The following TAFA1 variants were observed in gnomAD, a reference collection of about 807,000 sequenced individuals.
TAFA1 encodes chemokine-like protein TAFA-1.
In TAFA1, 4 loss-of-function variants were observed where a neutral mutation model predicts 18.5. That is an observed-to-expected ratio of 0.22 (90% CI 0.11 to 0.49). The LOEUF (loss-of-function observed/expected upper bound fraction) is 0.49, where lower values mean the gene tolerates loss of function less well. Among genes scored for constraint, TAFA1 ranks in the 20% least tolerant of loss-of-function variants. TAFA1 has a pLI of 0.98. For synonymous variants in TAFA1, 56 were observed against 55.2 expected, an observed-to-expected ratio of 1.01 and a Z score of -0.06; for missense variants, 147 against 169.0, an observed-to-expected ratio of 0.87 and a Z score of 0.72.
At chr3:68,256,057 G>A (rs142063632) in intron 2 of TAFA1, among the ~76,000 whole-genome samples, 344 of 152,022 alleles carry the variant, frequency 2.3e-3, no homozygotes, top group Non-Finnish European at 3.9e-3. Flanking sequence ...CCAGAAAAGC[G>A]CATTGAAATA....
At chr3:68,144,993 C>T (rs1005252117) in intron 2 of TAFA1, 22 of 1,478,790 alleles carry the variant, frequency 1.5e-5, no homozygotes, top group Admixed American at 1.4e-4. Flanking sequence ...GCCCGGAGAC[C>T]GGCCGTGAAG....
intron 2 of TAFA1, among the ~76,000 whole-genome samples, chr3:68,404,393 C>T (rs2070555517): frequency 6.6e-6 from 1 of 152,152 alleles, no homozygotes. Flanking sequence ...GTCTGTATAA[C>T]AGATTTCTAA....
intron 2 of TAFA1, among the ~76,000 whole-genome samples, chr3:68,354,365 A>G (rs137869262): frequency 1.4e-3 from 207 of 152,082 alleles, no homozygotes; most frequent in African/African-American, 4.6e-3. Flanking sequence ...CTGTGTTTCC[A>G]TCTAGCAGTG....
At chr3:68,463,547 C>G (rs2071825140) in intron 3 of TAFA1, among the ~76,000 whole-genome samples, 1 of 152,120 alleles carries the variant, frequency 6.6e-6, no homozygotes, top group South Asian at 2.1e-4. Context: ...TGTTGTGTAA[C>G]TTCTCTACTC....
intron 2 of TAFA1, among the ~76,000 whole-genome samples, chr3:68,232,955 T>TA (rs1361023357): frequency 1.3e-5 from 2 of 152,202 alleles, no homozygotes; most frequent in African/African-American, 2.4e-5. Context: ...ATGGCTCTAC[T>TA]AATTTACATT....
chr3:68,046,191 T>C (rs1705264281), intron 2 of TAFA1, among the ~76,000 whole-genome samples: 1 of 152,158 alleles, frequency 6.6e-6, no homozygotes, highest in African/African-American at 2.4e-5. Flanking sequence ...TTGAAACAAA[T>C]CCATATTTTT....
intron 2 of TAFA1, among the ~76,000 whole-genome samples, chr3:68,117,758 A>G (rs1484649955): frequency 6.6e-6 from 1 of 152,188 alleles, no homozygotes; most frequent in Admixed American, 6.5e-5. Flanking sequence ...TGTCTTAAAA[A>G]TTTTCATCAA....
chr3:68,484,277 G>C (rs1009227288), intron 3 of TAFA1, among the ~76,000 whole-genome samples: 47 of 152,184 alleles, frequency 3.1e-4, no homozygotes, highest in Middle Eastern at 3.2e-3. Context: ...ACTCTGCCTA[G>C]TGGTTACCAT....
chr3:68,344,775 C>T (rs1379759331), intron 2 of TAFA1, among the ~76,000 whole-genome samples: 1 of 152,044 alleles, frequency 6.6e-6, no homozygotes, highest in Non-Finnish European at 1.5e-5. Context: ...GTGCTAAGTG[C>T]TTTGTGTCAT....
chr3:68,190,569 T>C (rs1171645657), intron 2 of TAFA1, among the ~76,000 whole-genome samples: 1 of 151,872 alleles, frequency 6.6e-6, no homozygotes, highest in Admixed American at 6.6e-5. Context: ...TCCCAGGCAG[T>C]TCCTCAGTCT....
At chr3:68,060,966 G>C (rs931233029) in intron 2 of TAFA1, among the ~76,000 whole-genome samples, 1 of 152,170 alleles carries the variant, frequency 6.6e-6, no homozygotes, top group African/African-American at 2.4e-5. Flanking sequence ...GTGTGACATA[G>C]GTTCAAGTGT....
chr3:68,351,360 G>C (rs2069262406), intron 2 of TAFA1, among the ~76,000 whole-genome samples: 1 of 152,032 alleles, frequency 6.6e-6, no homozygotes, highest in Admixed American at 6.6e-5. Context: ...ACGATTGTTG[G>C]AATCAGATAA....
At chr3:68,395,773 A>C (rs1245981607) in intron 2 of TAFA1, among the ~76,000 whole-genome samples, 2 of 152,254 alleles carry the variant, frequency 1.3e-5, no homozygotes, top group African/African-American at 2.4e-5. Context: ...ATATGGGCTC[A>C]GGGAGGGGAA....
chr3:68,345,927 G>T (rs1040856243), intron 2 of TAFA1, among the ~76,000 whole-genome samples: 1 of 152,232 alleles, frequency 6.6e-6, no homozygotes, highest in Non-Finnish European at 1.5e-5. Context: ...GGAGAGAGAA[G>T]CTTGTTAACT....
chr3:68,438,576 A>C (rs1388705011), intron 3 of TAFA1, among the ~76,000 whole-genome samples: 1 of 151,716 alleles, frequency 6.6e-6, no homozygotes, highest in African/African-American at 2.4e-5. Flanking sequence ...TCCATTAGGC[A>C]TTGTTCTGGT....
chr3:68,070,905 T>C (rs770425421), intron 2 of TAFA1, among the ~76,000 whole-genome samples: 2 of 152,224 alleles, frequency 1.3e-5, no homozygotes, highest in Non-Finnish European at 2.9e-5. Context: ...AGGATTTCAT[T>C]GTCCATATCA....
intron 3 of TAFA1, among the ~76,000 whole-genome samples, chr3:68,507,488 A>G (rs2072777478): frequency 6.6e-6 from 1 of 152,132 alleles, no homozygotes; most frequent in Non-Finnish European, 1.5e-5. Flanking sequence ...ACTAGCGTCT[A>G]GAATTCTTCA....
At chr3:68,405,739 A>ACT (rs2070592547) in intron 2 of TAFA1, among the ~76,000 whole-genome samples, 2 of 131,606 alleles carry the variant, frequency 1.5e-5, no homozygotes, top group African/African-American at 5.7e-5. Context: ...AAAAAAAAAA[A>ACT]AGACTAGACA....
intron 2 of TAFA1, among the ~76,000 whole-genome samples, chr3:68,244,284 T>C (rs919648085): frequency 6.6e-6 from 1 of 152,176 alleles, no homozygotes; most frequent in African/African-American, 2.4e-5. Context: ...AACTTATCAA[T>C]TTTTCCATTA....
Sources: gnomAD v4.1 joint callset for allele counts (sites outside exome capture counted in the v4.1 genomes callset) on GRCh38, gnomAD v4.1.1 for gene constraint, MANE v1.5 for transcripts, NCBI Gene and HGNC (gene_info 2026-07-23, HGNC 2026-07-21) for gene names.